The following VWDE variants were observed in gnomAD, a reference collection of about 807,000 sequenced individuals.
VWDE encodes von Willebrand factor D and EGF domains, also known as von Willebrand factor D and EGF domain-containing protein.
VWDE carries 207 observed loss-of-function variants against 178.4 expected under a neutral mutation model. The ratio of observed to expected loss-of-function variants is 1.16; its 90% confidence interval spans 1.04 to 1.30. VWDE has a LOEUF of 1.30. Ranked by LOEUF, VWDE falls within the 50% of genes most tolerant of loss-of-function variation. The probability of loss-of-function intolerance (pLI) is 0.00; values close to 1 mark genes in which losing one functional copy is unlikely to be tolerated. For missense variants in VWDE, 2,287 were observed against 1,901.3 expected (o/e 1.20, Z -3.77); for synonymous variants, 738 against 651.4 (o/e 1.13, Z -2.02).
At chr7:12,352,790 C>T (rs1170776591) in intron 18 of VWDE, among the ~76,000 whole-genome samples, 1 of 152,172 alleles carries the variant, frequency 6.6e-6, no homozygotes, top group African/African-American at 2.4e-5. Flanking sequence ...GGGTCCCATT[C>T]ACTTAATTAA....
intron 19 of VWDE, among the ~76,000 whole-genome samples, chr7:12,347,677 C>T (rs895525163): frequency 6.6e-6 from 1 of 151,890 alleles, no homozygotes; most frequent in African/African-American, 2.4e-5. Flanking sequence ...CAATGCCATC[C>T]CCATCAAGCT....
chr7:12,376,971 A>G (rs1035666723), intron 7 of VWDE, among the ~76,000 whole-genome samples: 2 of 152,058 alleles, frequency 1.3e-5, no homozygotes, highest in Non-Finnish European at 2.9e-5. Context: ...GAAGGTCTAT[A>G]GATACCTTGT....
intron 19 of VWDE, among the ~76,000 whole-genome samples, chr7:12,346,040 T>G (rs951741937): frequency 9.9e-5 from 15 of 152,068 alleles, no homozygotes; most frequent in African/African-American, 3.4e-4. Context: ...TTACATTAAG[T>G]AATTCATTCC....
At chr7:12,345,223 T>G (rs572937775) in intron 19 of VWDE, among the ~76,000 whole-genome samples, 1 of 152,192 alleles carries the variant, frequency 6.6e-6, no homozygotes, top group South Asian at 2.1e-4. Flanking sequence ...CTTTTGTTCT[T>G]TCAAAATGTG....
chr7:12,398,574 A>G (rs1046883489), intron 1 of VWDE, among the ~76,000 whole-genome samples: 11 of 152,062 alleles, frequency 7.2e-5, no homozygotes, highest in African/African-American at 2.7e-4. Context: ...CTGATCTTCC[A>G]TCTCCTCAGC....
At chr7:12,358,073 C>T (rs1782360262) in intron 16 of VWDE, among the ~76,000 whole-genome samples, 1 of 152,028 alleles carries the variant, frequency 6.6e-6, no homozygotes, top group Admixed American at 6.6e-5. Context: ...TGAGTGCACA[C>T]ACTAAAAAAG....
At chr7:12,396,988 T>C (rs1225543428) in intron 1 of VWDE, among the ~76,000 whole-genome samples, 3 of 152,002 alleles carry the variant, frequency 2.0e-5, no homozygotes, top group Non-Finnish European at 4.4e-5. Context: ...AATGGCCATA[T>C]GCCCTAAGCA....
At chr7:12,353,640 T>C (rs970567030) in intron 18 of VWDE, among the ~76,000 whole-genome samples, 1 of 35,866 alleles carries the variant, frequency 2.8e-5, no homozygotes, top group Admixed American at 3.8e-4. Context: ...ATATTTGAAG[T>C]ATTTTCTTAA....
chr7:12,374,387 T>C (rs1474802013), intron 9 of VWDE, among the ~76,000 whole-genome samples: 1 of 152,036 alleles, frequency 6.6e-6, no homozygotes, highest in Non-Finnish European at 1.5e-5. Context: ...ATCTTTAGAG[T>C]AAATAATTTA....
Position 12,380,626 on chromosome 7 carries a change from T to A in VWDE, c.649A>T (p.Thr217Ser). The A allele has an allele frequency of 6.4e-7, 1 of 1,552,288 alleles. No homozygotes were observed. The highest frequency in any genetic ancestry group is 8.7e-7 in the Non-Finnish European group (1 of 1,147,134). ...ATGTGAAATCCCACTGAGTTTTTTGTAGCGGGAACATCAAAAGAACACCTA... is the reference window on the plus strand; with the variant it reads ...ATGTGAAATCCCACTGAGTTTTTTGAAGCGGGAACATCAAAAGAACACCTA... ...FCRCSFDVPA[T>S]KNSVGFHIAW... The change falls in exon 5 of 29, where the codon ACA becomes TCA. Residue 217 changes from threonine (T) to serine (S), a missense_variant. Physicochemically the swap from Thr to Ser is moderately conservative, Grantham distance 58. Coordinates refer to ENST00000275358, the MANE Select transcript of VWDE (RefSeq NM_001135924.3).
chr7:12,382,138 C>G (rs755684644), intron 4 of VWDE, among the ~76,000 whole-genome samples: 2 of 151,654 alleles, frequency 1.3e-5, no homozygotes, highest in Non-Finnish European at 3.0e-5. Flanking sequence ...TCAATACTTT[C>G]ATTTGGTGTT....
At chr7:12,343,220 TA>T (rs1781423123) in intron 21 of VWDE, 42 bp from the exon 22 acceptor site, 5 of 1,426,130 alleles carry the variant, frequency 3.5e-6, no homozygotes, top group Non-Finnish European at 4.8e-6. Context: ...TCTTAATTTT[TA>T]AAAAGTCAGT....
intron 13 of VWDE, 137 bp from the exon 14 acceptor site, chr7:12,361,658 A>T: frequency 1.3e-6 from 1 of 758,206 alleles, no homozygotes; most frequent in Non-Finnish European, 1.9e-6. Context: ...AACAAAAGTC[A>T]CATTGGGAGT....
At chr7:12,401,764 C>T (rs760017530) in intron 1 of VWDE, among the ~76,000 whole-genome samples, 4 of 152,064 alleles carry the variant, frequency 2.6e-5, no homozygotes, top group Admixed American at 6.5e-5. Context: ...CAGAGTTACC[C>T]TATGACCCGG....
intron 16 of VWDE, among the ~76,000 whole-genome samples, chr7:12,358,410 A>G (rs780947103): frequency 6.6e-6 from 1 of 151,698 alleles, no homozygotes; most frequent in Non-Finnish European, 1.5e-5. Flanking sequence ...TTTAGAGGAC[A>G]GGCAGAGTTC....
chr7:12,350,153 T>C (rs760713179), intron 19 of VWDE, among the ~76,000 whole-genome samples: 10 of 151,452 alleles, frequency 6.6e-5, no homozygotes, highest in Non-Finnish European at 1.3e-4. Context: ...AATCATATAG[T>C]CAATATATTT....
intron 19 of VWDE, among the ~76,000 whole-genome samples, chr7:12,348,668 C>T (rs935256199): frequency 2.7e-5 from 4 of 147,528 alleles, no homozygotes; most frequent in African/African-American, 7.7e-5. Context: ...GTCAGTGTGG[C>T]GATTCCTCAG....
At chr7:12,358,418 T>C (rs1365022266) in intron 16 of VWDE, among the ~76,000 whole-genome samples, 4 of 150,992 alleles carry the variant, frequency 2.6e-5, no homozygotes, top group African/African-American at 9.8e-5. Flanking sequence ...ACAGGCAGAG[T>C]TCCCTTTACA....
At chr7:12,351,288 T>G (rs1281333262) in intron 19 of VWDE, among the ~76,000 whole-genome samples, 1 of 152,154 alleles carries the variant, frequency 6.6e-6, no homozygotes, top group Admixed American at 6.6e-5. Context: ...TTTCCAGGGA[T>G]TTATAAAATA....
Sources: allele counts gnomAD v4.1 joint callset (sites outside exome capture counted in the v4.1 genomes callset), GRCh38; gene constraint gnomAD v4.1.1; transcripts MANE v1.5; gene names NCBI Gene and HGNC (gene_info 2026-07-23, HGNC 2026-07-21).